The following TMEM163 variants were observed in gnomAD, a reference collection of about 807,000 sequenced individuals.
The protein encoded by TMEM163 is transmembrane protein 163.
Under a neutral mutation model 29.3 loss-of-function variants are expected in TMEM163, and 17 were observed. That is an observed-to-expected ratio of 0.58 (90% confidence interval 0.40 to 0.87). The LOEUF (loss-of-function observed/expected upper bound fraction) is 0.87, where lower values mean the gene tolerates loss of function less well. Ranked by LOEUF, TMEM163 falls within the 40% of genes least tolerant of loss-of-function variation. The pLI is 0.00. For synonymous variants in TMEM163, 157 were observed against 160.6 expected (o/e 0.98, Z 0.17); for missense variants, 303 against 381.5 (o/e 0.79, Z 1.71).
chr2:134,671,039 G>A (rs1683985134), intron 2 of TMEM163, among the ~76,000 whole-genome samples: 1 of 152,156 alleles, frequency 6.6e-6, no homozygotes, highest in Admixed American at 6.5e-5. Flanking sequence ...GCTCTCAAAG[G>A]ACCCCCTCTG....
At position 134,680,309 on chromosome 2, in the gene TMEM163, T is replaced by C. The variant is rs115621092; in HGVS notation, c.322+32891A>G. On this transcript the variant is annotated intron_variant, in intron 2 of 7. Transcript: ENST00000281924. The stretch of plus-strand genomic sequence containing the variant: ...ACCCTCAAGGGATAGATAAAAGGAT[T>C]AAATTAAAAGACTAAAATCAAAGAA... Among the ~76,000 whole-genome samples the C allele has an allele frequency of 6.6e-3, 996 of 151,896 alleles. 17 individuals carry two copies. Among genetic ancestry groups the C allele is most frequent in the African/African-American group, 0.023 (955 of 41,422 alleles).
At chr2:134,573,152 A>G (rs1054679532) in intron 2 of TMEM163, among the ~76,000 whole-genome samples, 3 of 152,108 alleles carry the variant, frequency 2.0e-5, no homozygotes, top group Non-Finnish European at 2.9e-5. Context: ...TCTTCCCCAC[A>G]TGTTATTATC....
intron 4 of TMEM163, among the ~76,000 whole-genome samples, chr2:134,537,329 A>C (rs1397486460): frequency 6.6e-6 from 1 of 152,194 alleles, no homozygotes; most frequent in Non-Finnish European, 1.5e-5. Flanking sequence ...ACTTTCTCAC[A>C]GTTCTGGAGG....
intron 4 of TMEM163, among the ~76,000 whole-genome samples, chr2:134,530,343 T>A (rs578384): frequency 1.3e-5 from 2 of 152,178 alleles, no homozygotes; most frequent in South Asian, 4.1e-4. Flanking sequence ...GTGATTAAGG[T>A]TCACTGTAAC....
chr2:134,587,638 A>G (rs1334304869), intron 2 of TMEM163, among the ~76,000 whole-genome samples: 3 of 152,162 alleles, frequency 2.0e-5, no homozygotes, highest in African/African-American at 7.2e-5. Context: ...CTGTTCTAAA[A>G]CTAAGACTCT....
At chr2:134,697,463 A>ATTT (rs3039626) in intron 2 of TMEM163, among the ~76,000 whole-genome samples, 3 of 133,748 alleles carry the variant, frequency 2.2e-5, no homozygotes, top group Non-Finnish European at 3.1e-5. Context: ...TTTCTTCTCA[A>ATTT]TTTTTTTTTT....
At chr2:134,471,314 G>A (rs1686795409) in intron 5 of TMEM163, among the ~76,000 whole-genome samples, 2 of 152,186 alleles carry the variant, frequency 1.3e-5, no homozygotes, top group Non-Finnish European at 2.9e-5. Context: ...GTTAGATTAG[G>A]TCATAGGGGG....
intron 2 of TMEM163, among the ~76,000 whole-genome samples, chr2:134,681,916 T>C (rs1014486228): frequency 2.6e-5 from 4 of 152,180 alleles, no homozygotes; most frequent in African/African-American, 9.7e-5. Context: ...CAAAGGAAAC[T>C]TCTAAAACAA....
intron 5 of TMEM163, among the ~76,000 whole-genome samples, chr2:134,476,432 C>A (rs1479502466): frequency 6.6e-6 from 1 of 152,006 alleles, no homozygotes; most frequent in Admixed American, 6.6e-5. Context: ...CATCAAGTTG[C>A]GTACTTAAAG....
At chr2:134,615,651 C>CTTTTT (rs35159964) in intron 2 of TMEM163, among the ~76,000 whole-genome samples, 17 of 79,154 alleles carry the variant, frequency 2.1e-4, no homozygotes, top group Middle Eastern at 7.8e-3. Flanking sequence ...AAGAGCAGAG[C>CTTTTT]TTTTTTTTTT....
At chr2:134,668,625 CAAA>C (rs1173331892) in intron 2 of TMEM163, among the ~76,000 whole-genome samples, 4 of 114,288 alleles carry the variant, frequency 3.5e-5, no homozygotes, top group African/African-American at 3.3e-5. Context: ...AACTCCGTCT[CAAA>C]AAAAAAAAAA....
intron 2 of TMEM163, among the ~76,000 whole-genome samples, chr2:134,622,907 C>T (rs1420034483): frequency 6.6e-6 from 1 of 152,054 alleles, no homozygotes; most frequent in Admixed American, 6.6e-5. Context: ...GGATTACAGG[C>T]GTCCGCCACC....
At chr2:134,527,111 G>A (rs965440247) in intron 4 of TMEM163, among the ~76,000 whole-genome samples, 5 of 152,034 alleles carry the variant, frequency 3.3e-5, no homozygotes, top group African/African-American at 1.2e-4. Context: ...TCTTTTTCAT[G>A]ATAACAGACT....
intron 2 of TMEM163, among the ~76,000 whole-genome samples, chr2:134,568,142 G>A (rs1681337295): frequency 6.6e-6 from 1 of 152,148 alleles, no homozygotes. Flanking sequence ...ATATTGTGGG[G>A]TGCCCCAGAT....
intron 2 of TMEM163, among the ~76,000 whole-genome samples, chr2:134,575,481 C>T (rs1276869426): frequency 2.6e-5 from 4 of 152,180 alleles, no homozygotes; most frequent in African/African-American, 9.7e-5. Flanking sequence ...TGAAAACAAT[C>T]TCTGCCTCTT....
chr2:134,518,023 A>G (rs545508274), intron 4 of TMEM163, among the ~76,000 whole-genome samples: 1 of 152,282 alleles, frequency 6.6e-6, no homozygotes, highest in East Asian at 1.9e-4. Context: ...TATACACTCT[A>G]CTATTTTGAA....
rs1686516291 is a variant in TMEM163 at position 134,460,714 on chromosome 2, T to C, written c.668-2541A>G. On this transcript the variant is annotated intron_variant, in intron 6 of 7. Coordinates refer to ENST00000281924, the MANE Select transcript of TMEM163 (RefSeq NM_030923.5). The surrounding 1 kb of genome is among the most constrained non-coding windows in gnomAD (Gnocchi z 4.3). ...AGGTTCCCCAGACAGCCACTAGATG[T>C]CTGCTCAGCTCCACCAAGTCACCCG... is the stretch of plus-strand genomic sequence containing the variant. 6.6e-6 allele frequency among the ~76,000 whole-genome samples: 1 copy of C among 152,098 alleles called. No individual in the cohort carries two copies. Among genetic ancestry groups the C allele is most frequent in the Admixed American group, 6.5e-5 (1 of 15,268 alleles).
At chr2:134,643,735 C>T (rs773784010) in intron 2 of TMEM163, among the ~76,000 whole-genome samples, 1 of 151,284 alleles carries the variant, frequency 6.6e-6, no homozygotes, top group African/African-American at 2.4e-5. Flanking sequence ...TTCACTCTCA[C>T]CATTCCTATT....
chr2:134,658,974 A>G (rs1432801750), intron 2 of TMEM163, among the ~76,000 whole-genome samples: 1 of 152,220 alleles, frequency 6.6e-6, no homozygotes, highest in Non-Finnish European at 1.5e-5. Context: ...CAACAGGGCT[A>G]CATTCTGAGA....
Sources: gnomAD v4.1 joint callset for allele counts (sites outside exome capture counted in the v4.1 genomes callset) on GRCh38, gnomAD v4.1.1 for gene constraint, Gnocchi (gnomAD v3.1) non-coding constraint, MANE v1.5 for transcripts, NCBI Gene and HGNC (gene_info 2026-07-23, HGNC 2026-07-21) for gene names.